The following GRK4 variants were observed in gnomAD, a reference collection of about 807,000 sequenced individuals.
The protein encoded by GRK4 is G protein-coupled receptor kinase 2-like.
Under a neutral mutation model 77.9 loss-of-function variants are expected in GRK4, and 73 were observed. The ratio of observed to expected loss-of-function variants is 0.94; its 90% CI spans 0.78 to 1.14. The LOEUF (loss-of-function observed/expected upper bound fraction) is 1.14. Ranked by LOEUF, GRK4 falls within the 50% of genes most tolerant of loss-of-function variation. The pLI, the probability that GRK4 is intolerant of heterozygous loss-of-function variation, is 0.00. For missense variants in GRK4, 729 were observed against 700.2 expected (o/e 1.04, Z -0.46); for synonymous variants, 257 against 254.4 (o/e 1.01, Z -0.10).
chr4:3,025,594 G>A (rs60566117), intron 10 of GRK4, among the ~76,000 whole-genome samples: 33,079 of 151,126 alleles, frequency 0.22, 4,166 homozygotes, highest in South Asian at 0.44. Context: ...GGGTTTCACC[G>A]TGTTAGCCAG....
At chr4:3,037,014 C>A (rs1008003269) in intron 13 of GRK4, among the ~76,000 whole-genome samples, 1 of 150,150 alleles carries the variant, frequency 6.7e-6, no homozygotes, top group African/African-American at 2.5e-5. Context: ...TTTTGCACTA[C>A]GGAAAGGAGA....
At chr4:2,975,524 G>A (rs1049229892) in intron 1 of GRK4, among the ~76,000 whole-genome samples, 1 of 152,156 alleles carries the variant, frequency 6.6e-6, no homozygotes, top group Non-Finnish European at 1.5e-5. Flanking sequence ...AGGGCCCTGT[G>A]CGGGTGGGGA....
intron 1 of GRK4, among the ~76,000 whole-genome samples, chr4:2,979,602 A>G (rs1241296220): frequency 2.0e-5 from 3 of 152,128 alleles, no homozygotes; most frequent in African/African-American, 4.8e-5. Context: ...AATCCCAGCT[A>G]CTCAGGAGGC....
At chr4:2,986,657 A>T (rs922374454) in intron 2 of GRK4, among the ~76,000 whole-genome samples, 2 of 152,108 alleles carry the variant, frequency 1.3e-5, no homozygotes, top group African/African-American at 2.4e-5. Flanking sequence ...CCTGGCCCTC[A>T]GTGTCTTTTT....
intron 4 of GRK4, among the ~76,000 whole-genome samples, chr4:2,999,842 T>G (rs1729006907): frequency 6.6e-6 from 1 of 152,206 alleles, no homozygotes; most frequent in South Asian, 2.1e-4. Flanking sequence ...AGTGAAAACA[T>G]AACCAACAGA....
chr4:3,022,546 G>C (rs1193689051), intron 10 of GRK4, 95 bp downstream of exon 10: 4 of 1,068,050 alleles, frequency 3.7e-6, no homozygotes, highest in Non-Finnish European at 5.6e-6. Context: ...TAATGATTAG[G>C]AGAGAATGGA....
At chr4:3,040,484 C>A in intron 15 of GRK4, 88 bp from the exon 16 acceptor site, 2 of 1,010,230 alleles carry the variant, frequency 2.0e-6, no homozygotes, top group Non-Finnish European at 2.9e-6. Context: ...CACCCCCCAC[C>A]CAAAAGTTTG....
intron 2 of GRK4, chr4:2,986,786 A>G: frequency 3.2e-6 from 1 of 310,212 alleles, no homozygotes; most frequent in South Asian, 2.5e-5. Context: ...ATTTTTACAA[A>G]CCAATCCATC....
At chr4:2,985,400 CA>C (rs34597270) in intron 2 of GRK4, among the ~76,000 whole-genome samples, 42,821 of 119,048 alleles carry the variant, frequency 0.36, 6,293 homozygotes, top group Middle Eastern at 0.43. Context: ...GACTCTGTCT[CA>C]AAAAAAAAAA....
intron 1 of GRK4, among the ~76,000 whole-genome samples, chr4:2,976,631 CTTTT>C (rs769469513): frequency 8.5e-6 from 1 of 117,350 alleles, no homozygotes; most frequent in African/African-American, 3.2e-5. Context: ...TTCTTTCTTT[CTTTT>C]TTTTTTTTTT....
At chr4:2,970,808 T>C (rs13104987) in intron 1 of GRK4, 12,704 of 151,944 alleles carry the variant, frequency 0.084, 635 homozygotes, top group African/African-American at 0.14. Flanking sequence ...CAGCTGGGAC[T>C]ACAGGCACAC....
intron 8 of GRK4, among the ~76,000 whole-genome samples, chr4:3,019,235 C>T (rs1445822675): frequency 2.0e-5 from 3 of 152,182 alleles, no homozygotes; most frequent in African/African-American, 7.2e-5. Flanking sequence ...ATTGACAGCA[C>T]AAAATGTTGG....
rs144617570 is a variant in GRK4, at chr4:2,992,278, T to C, written c.325T>C (p.Phe109Leu). ...TTGTGGACTGTCAATCTTAGATAGATTCTTCAATGATAAGGTGTGTTTTCT... is the reference window on the plus strand; with the variant it reads ...TTGTGGACTGTCAATCTTAGATAGACTCTTCAATGATAAGGTGTGTTTTCT... ...SDCGLSILDRFFNDKLAAPLP... is the reference protein window; with the variant it reads ...SDCGLSILDRLFNDKLAAPLP... Residue 109 changes from phenylalanine (F) to leucine (L), a missense_variant, in exon 4 of 16, where the codon TTC (phenylalanine) becomes CTC (leucine). Physicochemically the swap from Phe to Leu is conservative, Grantham distance 22. Coordinates refer to ENST00000398052, the MANE Select transcript of GRK4 (RefSeq NM_182982.3). The C allele has an allele frequency of 9.4e-6, 15 of 1,601,846 alleles. No homozygotes were observed. The highest frequency in any genetic ancestry group is 1.3e-5 in the Non-Finnish European group (15 of 1,169,254).
intron 7 of GRK4, among the ~76,000 whole-genome samples, chr4:3,010,321 A>C (rs929282384): frequency 6.6e-6 from 1 of 151,980 alleles, no homozygotes; most frequent in Non-Finnish European, 1.5e-5. Flanking sequence ...CCGCCTCCTG[A>C]GTTCAAGCGA....
At chr4:3,022,307 T>G (rs759661671) in intron 9 of GRK4, 107 bp from the exon 10 acceptor site, 16 of 1,000,598 alleles carry the variant, frequency 1.6e-5, no homozygotes, top group Non-Finnish European at 2.4e-5. Flanking sequence ...GGCAGTTTCG[T>G]GTTTTGCCGC....
intron 10 of GRK4, among the ~76,000 whole-genome samples, chr4:3,024,489 G>T (rs566600965): frequency 3.3e-5 from 5 of 152,242 alleles, no homozygotes; most frequent in Non-Finnish European, 7.4e-5. Flanking sequence ...TTGACCTCCA[G>T]GGCTGTAGCG....
intron 2 of GRK4, among the ~76,000 whole-genome samples, chr4:2,988,088 A>AAAAAAAAAAAAAAAAAAAAAAC (rs1724953735): frequency 6.7e-6 from 1 of 148,332 alleles, no homozygotes; most frequent in Non-Finnish European, 1.5e-5. Context: ...AAAAAAAAAA[A>AAAAAAAAAAAAAAAAAAAAAAC]AAAAAAAAAA....
intron 1 of GRK4, among the ~76,000 whole-genome samples, chr4:2,973,702 C>T (rs370799348): frequency 3.3e-5 from 5 of 152,344 alleles, no homozygotes; most frequent in Admixed American, 2.0e-4. Context: ...AAGCCGTCAG[C>T]GTCTCACCTG....
intron 2 of GRK4, among the ~76,000 whole-genome samples, chr4:2,985,323 A>C (rs1027067566): frequency 5.3e-5 from 8 of 150,466 alleles, no homozygotes; most frequent in African/African-American, 9.8e-5. Context: ...ATGACGTGAA[A>C]CCGGGAGGCG....
Sources: gnomAD v4.1 joint callset for allele counts (sites outside exome capture counted in the v4.1 genomes callset) on GRCh38, gnomAD v4.1.1 for gene constraint, MANE v1.5 for transcripts, NCBI Gene and HGNC (gene_info 2026-07-23, HGNC 2026-07-21) for gene names.